The following FBN2 variants were observed in gnomAD, a reference collection of about 807,000 sequenced individuals.
FBN2 encodes the protein fibrillin-2.
In FBN2, 105 loss-of-function variants were observed where a neutral mutation model predicts 355.6. The observed-to-expected ratio is 0.30, with a 90% confidence interval of 0.25 to 0.35. FBN2 has a LOEUF of 0.35. Among genes scored for constraint, FBN2 ranks in the 10% least tolerant of loss-of-function variants. FBN2 has a pLI of 1.00. For missense variants in FBN2, 3,280 were observed against 3,758.7 expected, an observed-to-expected ratio of 0.87 and a Z score of 3.33; for synonymous variants, 1,350 against 1,301.2, an observed-to-expected ratio of 1.04 and a Z score of -0.81.
chr5:128,455,300 A>G (rs11738659), intron 6 of FBN2, among the ~76,000 whole-genome samples: 25,583 of 152,210 alleles, frequency 0.17, 2,259 homozygotes, highest in Non-Finnish European at 0.21. Context: ...TTTAAGTCCT[A>G]TATGAGTTAA....
chr5:128,440,988 G>C (rs1753903037), intron 7 of FBN2, among the ~76,000 whole-genome samples: 1 of 152,172 alleles, frequency 6.6e-6, no homozygotes, highest in Non-Finnish European at 1.5e-5. Flanking sequence ...TGAAGCAGTA[G>C]ATTTGGGTTG....
intron 2 of FBN2, among the ~76,000 whole-genome samples, chr5:128,534,132 A>G (rs1398661111): frequency 6.6e-6 from 1 of 152,160 alleles, no homozygotes; most frequent in Admixed American, 6.5e-5. Context: ...CAAATGTATG[A>G]GAAAATTAAT....
chr5:128,384,908 A>G (rs1431956568), intron 11 of FBN2, among the ~76,000 whole-genome samples: 1 of 152,154 alleles, frequency 6.6e-6, no homozygotes, highest in African/African-American at 2.4e-5. Flanking sequence ...GAACTAAGCA[A>G]GCACAAATAG....
intron 5 of FBN2, among the ~76,000 whole-genome samples, chr5:128,491,765 T>C (rs750602348): frequency 6.6e-6 from 1 of 152,212 alleles, no homozygotes; most frequent in Non-Finnish European, 1.5e-5. Flanking sequence ...TATCACCATA[T>C]TAAAATTGAA....
intron 7 of FBN2, among the ~76,000 whole-genome samples, chr5:128,430,265 G>A (rs1753585498): frequency 6.6e-6 from 1 of 151,604 alleles, no homozygotes; most frequent in African/African-American, 2.4e-5. Context: ...CTTTTATGTA[G>A]TTGAATATGT....
At chr5:128,430,486 C>T (rs1463326244) in intron 7 of FBN2, among the ~76,000 whole-genome samples, 1 of 152,106 alleles carries the variant, frequency 6.6e-6, no homozygotes, top group Non-Finnish European at 1.5e-5. Flanking sequence ...AAAACAGAAC[C>T]TATTTATGTC....
intron 5 of FBN2, among the ~76,000 whole-genome samples, chr5:128,468,803 T>C (rs553791155): frequency 2.7e-4 from 41 of 152,208 alleles, no homozygotes; most frequent in Admixed American, 4.6e-4. Flanking sequence ...GTTGAGAAAA[T>C]TAAACATTCT....
intron 7 of FBN2, among the ~76,000 whole-genome samples, chr5:128,417,287 T>C (rs932417766): frequency 1.3e-5 from 2 of 152,216 alleles, no homozygotes; most frequent in Non-Finnish European, 2.9e-5. Context: ...TAAGATCATG[T>C]CATCTACAAA....
At chr5:128,338,248 G>A in intron 26 of FBN2, 126 bp from the exon 27 acceptor site, 2 of 958,828 alleles carry the variant, frequency 2.1e-6, no homozygotes, top group Non-Finnish European at 3.3e-6. Context: ...TGCTTCATAG[G>A]AGATGGGATA....
chr5:128,442,211 G>A (rs547851271), intron 7 of FBN2: 5 of 420,224 alleles, frequency 1.2e-5, no homozygotes, highest in South Asian at 5.2e-5. Flanking sequence ...GCCACATAAA[G>A]AGCCATTTAA....
intron 55 of FBN2, among the ~76,000 whole-genome samples, chr5:128,285,348 T>C (rs32207): frequency 0.12 from 17,724 of 152,204 alleles, 2,073 homozygotes; most frequent in East Asian, 0.6. Flanking sequence ...TGAAAACACA[T>C]TGTTTGCATG....
chr5:128,353,567 T>G (rs991719319), intron 20 of FBN2, among the ~76,000 whole-genome samples: 1 of 152,220 alleles, frequency 6.6e-6, no homozygotes, highest in African/African-American at 2.4e-5. Context: ...AAAGCTACTG[T>G]GTATTTAAAT....
At chr5:128,310,784 G>A (rs1262752772) in intron 39 of FBN2, among the ~76,000 whole-genome samples, 1 of 152,132 alleles carries the variant, frequency 6.6e-6, no homozygotes, top group Admixed American at 6.5e-5. Context: ...TGAGTAAGAT[G>A]TGGACCTTGT....
In FBN2 at chr5:128,349,939, G is replaced by C. The variant is rs1751302721; in HGVS notation, c.2863+16C>G. On this transcript the variant is annotated intron_variant, in intron 22 of 64. Coordinates refer to ENST00000262464, the MANE Select transcript of FBN2 (RefSeq NM_001999.4). Reference sequence around the variant, plus strand: ...TCAAAAGATGTATAGTATCTTCCAAGGAAGGATACACTCACCTTCACACGT... The same window carrying C: ...TCAAAAGATGTATAGTATCTTCCAACGAAGGATACACTCACCTTCACACGT... The C allele has an allele frequency of 6.3e-7, 1 of 1,593,442 alleles. No homozygotes were observed. The highest frequency in any genetic ancestry group is 8.6e-7 in the Non-Finnish European group (1 of 1,161,002).
At chr5:128,379,763 C>A (rs1036007556) in intron 11 of FBN2, among the ~76,000 whole-genome samples, 1 of 152,036 alleles carries the variant, frequency 6.6e-6, no homozygotes, top group African/African-American at 2.4e-5. Context: ...GCAATGCCCA[C>A]TAAATATTAT....
At chr5:128,513,637 T>G (rs1248246976) in intron 5 of FBN2, among the ~76,000 whole-genome samples, 1 of 152,224 alleles carries the variant, frequency 6.6e-6, no homozygotes. Flanking sequence ...AGCAGACTCT[T>G]AAATTAAGGA....
chr5:128,321,497 G>A (rs1230908399), intron 34 of FBN2, among the ~76,000 whole-genome samples: 3 of 151,954 alleles, frequency 2.0e-5, no homozygotes, highest in South Asian at 2.1e-4. Flanking sequence ...CCCTGTCCAC[G>A]TGTTCTCACT....
intron 11 of FBN2, among the ~76,000 whole-genome samples, chr5:128,381,420 C>T (rs1195222900): frequency 6.6e-6 from 1 of 152,066 alleles, no homozygotes; most frequent in East Asian, 1.9e-4. Context: ...ACAGCAATGG[C>T]AGTTTGTTAT....
intron 7 of FBN2, among the ~76,000 whole-genome samples, chr5:128,432,034 A>C (rs1047036924): frequency 3.3e-5 from 5 of 152,224 alleles, no homozygotes; most frequent in Non-Finnish European, 7.3e-5. Context: ...GATAATGATA[A>C]ATCTTACAAT....
Sources: gnomAD v4.1 joint callset for allele counts (sites outside exome capture counted in the v4.1 genomes callset) on GRCh38, gnomAD v4.1.1 for gene constraint, MANE v1.5 for transcripts, NCBI Gene and HGNC (gene_info 2026-07-23, HGNC 2026-07-21) for gene names.